Variants in RANBP3 observed in about 807,000 individuals in gnomAD.
The protein encoded by RANBP3 is RAN binding protein 3, also known as ran-binding protein 3.
In RANBP3, 14 loss-of-function variants were observed where a neutral mutation model predicts 77.3. The observed-to-expected ratio is 0.18, with a 90% CI of 0.12 to 0.28. The LOEUF (loss-of-function observed/expected upper bound fraction) is 0.28. Among genes scored for constraint, RANBP3 ranks in the 10% least tolerant of loss-of-function variants. The pLI is 1.00. For missense variants in RANBP3, 586 were observed against 752.3 expected (o/e 0.78, Z 2.59); for synonymous variants, 315 against 312.4 (o/e 1.01, Z -0.09).
chr19:5,974,975 C>T (rs1182012494), intron 1 of RANBP3, among the ~76,000 whole-genome samples: 1 of 152,148 alleles, frequency 6.6e-6, no homozygotes, highest in Admixed American at 6.5e-5. Flanking sequence ...GAGGGTGGAG[C>T]AACTTATGAT....
intron 1 of RANBP3, among the ~76,000 whole-genome samples, chr19:5,971,347 T>A (rs192895565): frequency 2.6e-4 from 39 of 152,248 alleles, no homozygotes; most frequent in African/African-American, 8.7e-4. Flanking sequence ...CTTTTTTTTT[T>A]ATTAAAGAGA....
intron 5 of RANBP3, among the ~76,000 whole-genome samples, chr19:5,937,501 T>G (rs916909337): frequency 6.6e-6 from 1 of 152,154 alleles, no homozygotes; most frequent in Non-Finnish European, 1.5e-5. Flanking sequence ...GTATGTGTGG[T>G]AGGACCAGGG....
rs374212406 is a variant in RANBP3 at position 5,924,365 on chromosome 19, C to T, written c.997-451G>A. ...GGTAGGCAAACCATTCTAGAACCCTCTCCCAGGCTGGCTGGGCTCCTGGGA... is the reference window on the plus strand; with the variant it reads ...GGTAGGCAAACCATTCTAGAACCCTTTCCCAGGCTGGCTGGGCTCCTGGGA... On this transcript the variant is annotated intron_variant, in intron 11 of 16. Transcript: ENST00000340578. The surrounding 1 kb of genome is among the most constrained non-coding windows in gnomAD (Gnocchi z 4.7). Among the ~76,000 whole-genome samples the T allele has an allele frequency of 4.8e-4, 73 of 152,386 alleles. 2 individuals carry two copies. The East Asian group carries it at 5.6e-3, about 12-fold the overall frequency.
chr19:5,970,053 T>A (rs1415708807), intron 1 of RANBP3, among the ~76,000 whole-genome samples: 1 of 152,152 alleles, frequency 6.6e-6, no homozygotes, highest in Non-Finnish European at 1.5e-5. Context: ...TCTGGAGACA[T>A]TGTGACTGTC....
At chr19:5,931,854 A>G (rs541638401) in intron 7 of RANBP3, among the ~76,000 whole-genome samples, 9 of 152,100 alleles carry the variant, frequency 5.9e-5, no homozygotes, top group Admixed American at 2.6e-4. Context: ...GCAACACAGC[A>G]AGTCCTCGTT....
At chr19:5,944,452 AAGC>A (rs1347086691) in intron 3 of RANBP3, among the ~76,000 whole-genome samples, 3 of 152,190 alleles carry the variant, frequency 2.0e-5, no homozygotes, top group Non-Finnish European at 4.4e-5. Flanking sequence ...AAGTACAGAG[AAGC>A]AGCATCTGCC....
chr19:5,932,433 C>T lies in RANBP3; in HGVS notation c.565+19G>A, dbSNP rs371705311. The stretch of plus-strand genomic sequence containing the variant: ...TACCCTGCCGTCTGGGCCTGGGCGC[C>T]AGGGCTGCTGTTTCTTACCAGTCTG... On this transcript the variant is annotated intron_variant, in intron 7 of 16. Coordinates refer to ENST00000340578, the MANE Select transcript of RANBP3 (RefSeq NM_007322.3). The T allele has an allele frequency of 6.8e-6, 11 of 1,610,574 alleles. No homozygotes were observed. In the African/African-American group the frequency reaches 1.5e-4, roughly 22 times the overall value.
intron 12 of RANBP3, 79 bp from the exon 13 acceptor site, chr19:5,923,382 A>C: frequency 6.9e-7 from 1 of 1,446,608 alleles, no homozygotes; most frequent in Non-Finnish European, 9.7e-7. Context: ...ACAGGAGATG[A>C]GAGGGTTGGT....
intron 9 of RANBP3, 30 bp downstream of exon 9, chr19:5,927,938 G>A (rs1599730250): frequency 6.3e-7 from 1 of 1,583,094 alleles, no homozygotes. Context: ...GGCATAAAAA[G>A]TCAATGTGCT....
chr19:5,921,320 A>G lies in RANBP3; in HGVS notation c.1211T>C (p.Met404Thr). Residue 404 changes from methionine (M) to threonine (T), a missense_variant and splice_region_variant, in exon 14 of 17, where the codon ATG (methionine) becomes ACG (threonine). Around this residue, in one of 5 missense-constraint regions of RANBP3, gnomAD observed 51 missense variants for 123.2 expected, o/e 0.41. Coordinates refer to ENST00000340578, the MANE Select transcript of RANBP3 (RefSeq NM_007322.3). This position sits in a 1 kb window ranked among gnomAD's most constrained non-coding sequence, Gnocchi z 5.3. ...GEEAESNVLQ[M>T]QCKLFVFDKT... ...GTCAAAGACAAACAGCTTGCACTGC[A>G]TCTGGAACACAGTGGCCGCCGGTAA... The G allele has an allele frequency of 6.2e-7, 1 of 1,613,300 alleles. No homozygotes were observed. The highest frequency in any genetic ancestry group is 8.5e-7 in the Non-Finnish European group (1 of 1,179,694).
chr19:5,920,956 T>C (rs2057810019), intron 14 of RANBP3: 2 of 345,472 alleles, frequency 5.8e-6, no homozygotes, highest in Middle Eastern at 7.5e-4. Context: ...CCATAGACTT[T>C]TGTCCATTTT....
Position 5,952,587 on chromosome 19 carries a change from G to A in RANBP3, c.79-991C>T, listed in dbSNP as rs1442564107. 6.6e-6 allele frequency among the ~76,000 whole-genome samples: 1 copy of A among 152,192 alleles called. No individual in the cohort carries two copies. The highest frequency in any genetic ancestry group is 1.5e-5 in the Non-Finnish European group (1 of 68,036). ...CGACATGGAGCCATTTCTCGCACTC[G>A]GTGACCTACATGACTACAGGGCTGC... On this transcript the variant is annotated intron_variant, in intron 2 of 16. Coordinates refer to ENST00000340578, the MANE Select transcript of RANBP3 (RefSeq NM_007322.3). The surrounding 1 kb of genome is among the most constrained non-coding windows in gnomAD (Gnocchi z 4.1).
At chr19:5,923,083 G>A (rs551537671) in intron 13 of RANBP3, 111 bp downstream of exon 13, 11 of 849,634 alleles carry the variant, frequency 1.3e-5, no homozygotes, top group African/African-American at 5.0e-5. Context: ...TGGCCCCTCC[G>A]TCATCTCAGG....
At chr19:5,950,812 T>C (rs1396203861) in intron 3 of RANBP3, 2 of 154,444 alleles carry the variant, frequency 1.3e-5, no homozygotes, top group African/African-American at 4.8e-5. Flanking sequence ...GGCTTCTTAA[T>C]ACAAAGATAA....
chr19:5,960,842 G>A (rs563209491), intron 1 of RANBP3, among the ~76,000 whole-genome samples: 12 of 152,332 alleles, frequency 7.9e-5, no homozygotes, highest in African/African-American at 2.6e-4. Flanking sequence ...CAGGGCTGAG[G>A]GGCATGGGCC....
rs2057883077 is a variant in RANBP3, at chr19:5,924,990, GAC to G, written c.918-87_918-86del. On this transcript the variant is annotated intron_variant, in intron 10 of 16. Transcript: ENST00000340578. The surrounding 1 kb of genome is among the most constrained non-coding windows in gnomAD (Gnocchi z 4.7). ...TATGGGTACCCATGGAGCACACACT[GAC>G]ACAGAGGGCACAGTGGAGGGGCCTC... 8.0e-7 allele frequency: 1 copy of G among 1,255,416 alleles called. No homozygotes were observed. The highest frequency in any genetic ancestry group is 1.2e-6 in the Non-Finnish European group (1 of 855,262). The allele number at this position is 1,255,416 out of a possible 1,614,324, so 77.8% of individuals were successfully genotyped here.
At chr19:5,929,321 G>C (rs965423968) in intron 8 of RANBP3, among the ~76,000 whole-genome samples, 4 of 152,222 alleles carry the variant, frequency 2.6e-5, no homozygotes, top group African/African-American at 4.8e-5. Context: ...CTAATCCCCA[G>C]CCCCACTGGG....
chr19:5,958,011 T>C lies in RANBP3; in HGVS notation c.23-38A>G. 1 of 1,574,026 alleles carries C rather than the reference T, an allele frequency of 6.4e-7. No individual in the cohort carries two copies. Among genetic ancestry groups the C allele is most frequent in the Non-Finnish European group, 8.7e-7 (1 of 1,143,686 alleles). ...AAATTAGTTTTTTTCCCCCCAACAC[T>C]ATATGCATACAGTAAACAAAGCTAC... On this transcript the variant is annotated intron_variant, in intron 1 of 16. Transcript: ENST00000340578. The surrounding 1 kb of genome is among the most constrained non-coding windows in gnomAD (Gnocchi z 4.4).
chr19:5,974,876 C>T (rs935774195), intron 1 of RANBP3, among the ~76,000 whole-genome samples: 2 of 152,136 alleles, frequency 1.3e-5, no homozygotes, highest in Non-Finnish European at 2.9e-5. Flanking sequence ...GATGCCCAGC[C>T]GGGTGGACAG....
Sources: gnomAD v4.1 joint callset for allele counts (sites outside exome capture counted in the v4.1 genomes callset) on GRCh38, gnomAD v4.1.1 for gene constraint, gnomAD v4.1.1 regional missense constraint, Gnocchi (gnomAD v3.1) non-coding constraint, MANE v1.5 for transcripts, NCBI Gene and HGNC (gene_info 2026-07-23, HGNC 2026-07-21) for gene names.